The following RBFOX1 variants were observed in gnomAD, a reference collection of about 807,000 sequenced individuals.
RBFOX1 encodes the protein RNA binding fox-1 homolog 1, also known as RNA binding protein fox-1 homolog 1.
Under a neutral mutation model 57.7 loss-of-function variants are expected in RBFOX1, and 8 were observed. The ratio of observed to expected loss-of-function variants is 0.14; its 90% CI spans 0.08 to 0.25. RBFOX1 has a LOEUF of 0.25. Among genes scored for constraint, RBFOX1 ranks in the 10% least tolerant of loss-of-function variants. The pLI is 1.00. For synonymous variants in RBFOX1, 326 were observed against 222.4 expected, an observed-to-expected ratio of 1.47 and a Z score of -4.15; for missense variants, 611 against 548.5, an observed-to-expected ratio of 1.11 and a Z score of -1.14.
chr16:5,753,550 G>C (rs1317742755), intron 3 of RBFOX1, among the ~76,000 whole-genome samples: 2 of 152,172 alleles, frequency 1.3e-5, no homozygotes, highest in Non-Finnish European at 2.9e-5. Context: ...CTCCTCCAGT[G>C]GTGTGCTGCA....
chr16:5,692,067 T>G (rs2050698410), intron 3 of RBFOX1, among the ~76,000 whole-genome samples: 1 of 152,114 alleles, frequency 6.6e-6, no homozygotes, highest in Non-Finnish European at 1.5e-5. Context: ...ACTGGGAAAG[T>G]GTCATGGTTA....
intron 1 of RBFOX1, among the ~76,000 whole-genome samples, chr16:5,380,019 T>A (rs2066090778): frequency 6.6e-6 from 1 of 152,070 alleles, no homozygotes; most frequent in African/African-American, 2.4e-5. Flanking sequence ...CAGTGGGCGG[T>A]GTGAGGGCAC....
Position 7,022,003 on chromosome 16 carries a change from T to C in RBFOX1, c.-15-30054T>C, listed in dbSNP as rs28612821. Among the ~76,000 whole-genome samples the C allele has an allele frequency of 2.2e-3, 15 of 6,868 alleles. 1 individual carries two copies. The highest frequency in any genetic ancestry group is 0.018 in the African/African-American group (11 of 624). The allele number at this position is 6,868 out of a possible 152,430, so 4.5% of individuals were successfully genotyped here. A position where few individuals can be genotyped will look rare whatever the true frequency, so the allele number is the denominator to read the frequency against. ...CCCCCTCCCCTTCCCCCTCCCCCTC[T>C]CCCTCCCCTTCCCTTCCCCCTCCCC... On this transcript the variant is annotated intron_variant, in intron 3 of 15. Transcript: ENST00000550418.
chr16:7,476,529 CA>C (rs1421845588), intron 4 of RBFOX1, among the ~76,000 whole-genome samples: 1 of 152,168 alleles, frequency 6.6e-6, no homozygotes, highest in Non-Finnish European at 1.5e-5. Flanking sequence ...TCAGAAGATA[CA>C]AGAGGAAAAC....
At chr16:6,670,922 C>G (rs2098760498) in intron 3 of RBFOX1, among the ~76,000 whole-genome samples, 1 of 152,108 alleles carries the variant, frequency 6.6e-6, no homozygotes, top group African/African-American at 2.4e-5. Flanking sequence ...GAGGCGTGAA[C>G]CCAGGAGGCG....
intron 2 of RBFOX1, among the ~76,000 whole-genome samples, chr16:5,495,664 C>G (rs910611814): frequency 6.6e-6 from 1 of 152,222 alleles, no homozygotes; most frequent in African/African-American, 2.4e-5. Context: ...AGGTCTCAGG[C>G]AGGACCTCAT....
intron 4 of RBFOX1, among the ~76,000 whole-genome samples, chr16:7,367,690 A>G (rs989446879): frequency 1.3e-5 from 2 of 152,088 alleles, no homozygotes; most frequent in African/African-American, 2.4e-5. Context: ...GTCCCATCCC[A>G]TCTGTTCTAT....
intron 5 of RBFOX1, among the ~76,000 whole-genome samples, chr16:7,549,347 G>A (rs1383586839): frequency 6.6e-6 from 1 of 152,226 alleles, no homozygotes; most frequent in Non-Finnish European, 1.5e-5. Context: ...TGCAAACCAG[G>A]TGAGGAGTTT....
chr16:5,931,923 T>G (rs1169355082), intron 4 of RBFOX1, among the ~76,000 whole-genome samples: 1 of 152,170 alleles, frequency 6.6e-6, no homozygotes, highest in African/African-American at 2.4e-5. Flanking sequence ...TCCACCCACT[T>G]CAGCCTCCCA....
At chr16:7,266,517 G>A (rs1034751379) in intron 4 of RBFOX1, among the ~76,000 whole-genome samples, 2 of 152,122 alleles carry the variant, frequency 1.3e-5, no homozygotes, top group African/African-American at 4.8e-5. Flanking sequence ...TTTCTTTACA[G>A]CAATGCAAGA....
chr16:5,566,643 T>C (rs1168137631), intron 2 of RBFOX1, among the ~76,000 whole-genome samples: 1 of 136,984 alleles, frequency 7.3e-6, no homozygotes, highest in Non-Finnish European at 1.5e-5. Flanking sequence ...TGTATATGTG[T>C]GTATATATGT....
chr16:5,708,360 C>G (rs1217493910), intron 3 of RBFOX1, among the ~76,000 whole-genome samples: 1 of 152,158 alleles, frequency 6.6e-6, no homozygotes, highest in Non-Finnish European at 1.5e-5. Flanking sequence ...TCATTTTGAG[C>G]TTCCATATAC....
chr16:5,837,222 C>T (rs2056487153), intron 3 of RBFOX1, among the ~76,000 whole-genome samples: 2 of 151,900 alleles, frequency 1.3e-5, no homozygotes, highest in South Asian at 4.2e-4. Context: ...CACACGCTCT[C>T]TATATTCCAG....
At chr16:5,634,268 G>A (rs573732127) in intron 3 of RBFOX1, among the ~76,000 whole-genome samples, 11 of 152,176 alleles carry the variant, frequency 7.2e-5, no homozygotes, top group Non-Finnish European at 1.6e-4. Flanking sequence ...TTACAGCAAC[G>A]GTAGTGCAAT....
intron 1 of RBFOX1, among the ~76,000 whole-genome samples, chr16:6,199,147 T>G (rs1001767612): frequency 6.6e-6 from 1 of 152,210 alleles, no homozygotes; most frequent in Admixed American, 6.6e-5. Context: ...AAATATTCAT[T>G]TACTTTTTGA....
intron 4 of RBFOX1, among the ~76,000 whole-genome samples, chr16:7,225,637 A>C (rs148449913): frequency 0.011 from 1,707 of 151,676 alleles, 16 homozygotes; most frequent in Non-Finnish European, 0.019. Flanking sequence ...CTGTGGTGGC[A>C]ATGGATGATT....
intron 1 of RBFOX1, among the ~76,000 whole-genome samples, chr16:6,055,183 T>C (rs2095599931): frequency 6.6e-6 from 1 of 152,132 alleles, no homozygotes; most frequent in Admixed American, 6.6e-5. Flanking sequence ...CTTTTTGCTG[T>C]CCAACGGAAT....
chr16:6,413,732 G>T (rs1190505528), intron 2 of RBFOX1, among the ~76,000 whole-genome samples: 1 of 152,138 alleles, frequency 6.6e-6, no homozygotes, highest in Non-Finnish European at 1.5e-5. Context: ...CCACATGAAG[G>T]TTTATCTTTT....
At chr16:6,004,627 A>C (rs1170352477) in intron 4 of RBFOX1, among the ~76,000 whole-genome samples, 1 of 152,308 alleles carries the variant, frequency 6.6e-6, no homozygotes, top group East Asian at 1.9e-4. Context: ...AAATAATGGA[A>C]GCCTTTCATT....
Sources: gnomAD v4.1 joint callset for allele counts (sites outside exome capture counted in the v4.1 genomes callset) on GRCh38, gnomAD v4.1.1 for gene constraint, MANE v1.5 for transcripts, NCBI Gene and HGNC (gene_info 2026-07-23, HGNC 2026-07-21) for gene names.